Variants in CSMD3 observed in about 807,000 individuals in gnomAD.
CSMD3 encodes CUB and Sushi multiple domains 3, also known as CUB and sushi domain-containing protein 3.
In CSMD3, 177 loss-of-function variants were observed where a neutral mutation model predicts 435.2. The observed-to-expected ratio is 0.41, with a 90% CI of 0.36 to 0.46. CSMD3 has a LOEUF of 0.46. Ranked by LOEUF, CSMD3 falls within the 20% of genes least tolerant of loss-of-function variation. The probability of loss-of-function intolerance (pLI) is 0.34; values close to 1 mark genes in which losing one functional copy is unlikely to be tolerated. For missense variants in CSMD3, 4,265 were observed against 4,504.6 expected (o/e 0.95, Z 1.52); for synonymous variants, 1,656 against 1,520.5 (o/e 1.09, Z -2.07).
At chr8:112,488,575 A>G (rs759260978) in intron 31 of CSMD3, among the ~76,000 whole-genome samples, 2 of 152,204 alleles carry the variant, frequency 1.3e-5, no homozygotes, top group Non-Finnish European at 2.9e-5. Flanking sequence ...AGTCAGTCAC[A>G]GTTTCATCAG....
intron 1 of CSMD3, among the ~76,000 whole-genome samples, chr8:113,383,454 A>G (rs928598346): frequency 1.3e-5 from 2 of 152,180 alleles, no homozygotes; most frequent in African/African-American, 2.4e-5. Context: ...GGAGAGATGC[A>G]CATTTGAAAA....
chr8:113,286,972 G>A (rs1019761682), intron 2 of CSMD3, among the ~76,000 whole-genome samples: 1 of 151,728 alleles, frequency 6.6e-6, no homozygotes, highest in Non-Finnish European at 1.5e-5. Context: ...AGGAGAGAGA[G>A]AGAGAGATTT....
chr8:112,519,235 C>T (rs747820690), intron 27 of CSMD3, among the ~76,000 whole-genome samples: 1 of 152,106 alleles, frequency 6.6e-6, no homozygotes, highest in African/African-American at 2.4e-5. Flanking sequence ...CCATTCATGC[C>T]TCCTTTTCCT....
rs141073794 is a variant in CSMD3 at position 113,278,008 on chromosome 8, G to A, written c.514+584C>T. On this transcript the variant is annotated intron_variant, in intron 3 of 70. Transcript: ENST00000297405. ...ATCCACACTAAGCGTGATAAATAAA[G>A]ATCATAAATGTCCTCTATTCATTTG... Among the ~76,000 whole-genome samples the A allele has an allele frequency of 1.0e-3, 158 of 152,012 alleles. 2 individuals carry two copies. The highest frequency in any genetic ancestry group is 3.6e-3 in the African/African-American group (148 of 41,520).
In CSMD3 at chr8:112,265,493, G is replaced by A. The variant is rs767456683; in HGVS notation, c.9606C>T (p.Gly3202=). The change falls in exon 60 of 71, where the codon GGC becomes GGT. Residue 3202 remains glycine, a synonymous_variant. Transcript: ENST00000297405. Reference sequence around the variant, plus strand: ...TGGAGCCATTCAATTCCATCGTGTAGCCTGGCTGGCACATGTAAGAAACAT... The same window carrying A: ...TGGAGCCATTCAATTCCATCGTGTAACCTGGCTGGCACATGTAAGAAACAT... The part of the protein sequence containing the change: ...GQNVSYMCQP[G]YTMELNGSRI... 6.2e-7 allele frequency: 1 copy of A among 1,613,458 alleles called. No individual in the cohort carries two copies. Among genetic ancestry groups the A allele is most frequent in the South Asian group, 1.1e-5 (1 of 91,060 alleles).
At chr8:112,602,566 CA>C (rs199693088) in intron 22 of CSMD3, among the ~76,000 whole-genome samples, 28,867 of 124,986 alleles carry the variant, frequency 0.23, 3,041 homozygotes, top group South Asian at 0.34. Context: ...AACTCTGTCT[CA>C]AAAAAAAAAA....
chr8:112,933,309 G>A (rs1399741639), intron 9 of CSMD3, among the ~76,000 whole-genome samples: 1 of 152,056 alleles, frequency 6.6e-6, no homozygotes, highest in East Asian at 1.9e-4. Flanking sequence ...GTTCTATAAT[G>A]GTATGAAATA....
intron 13 of CSMD3, among the ~76,000 whole-genome samples, chr8:112,733,940 A>G (rs542274006): frequency 2.0e-5 from 3 of 152,120 alleles, no homozygotes; most frequent in East Asian, 3.9e-4. Flanking sequence ...TATGGACATG[A>G]GAAAATGTAT....
intron 9 of CSMD3, among the ~76,000 whole-genome samples, chr8:112,935,330 A>G (rs2130733141): frequency 6.6e-6 from 1 of 152,238 alleles, no homozygotes; most frequent in South Asian, 2.1e-4. Context: ...AGACTGTATG[A>G]TAGTTCCAGA....
chr8:112,822,285 T>C (rs576640815), intron 12 of CSMD3, among the ~76,000 whole-genome samples: 32 of 152,350 alleles, frequency 2.1e-4, no homozygotes, highest in Non-Finnish European at 3.2e-4. Context: ...TCCATGAGCA[T>C]GGAATCTTTT....
chr8:113,017,559 C>T (rs1025294130), intron 6 of CSMD3, among the ~76,000 whole-genome samples: 1 of 151,780 alleles, frequency 6.6e-6, no homozygotes, highest in Admixed American at 6.6e-5. Flanking sequence ...TAGAAAAGAT[C>T]ACAGGAATCG....
intron 28 of CSMD3, among the ~76,000 whole-genome samples, chr8:112,514,118 C>T (rs1438671365): frequency 1.3e-5 from 2 of 152,030 alleles, no homozygotes; most frequent in Non-Finnish European, 2.9e-5. Flanking sequence ...ATCTCAAACT[C>T]CTGGGCTCAA....
intron 6 of CSMD3, among the ~76,000 whole-genome samples, chr8:112,988,521 A>G (rs964852307): frequency 1.3e-5 from 2 of 152,104 alleles, no homozygotes; most frequent in African/African-American, 4.8e-5. Flanking sequence ...TTTGCAAAGT[A>G]TCTGCTGCTC....
At chr8:112,657,010 C>T (rs190755182) in intron 17 of CSMD3, among the ~76,000 whole-genome samples, 227 of 151,836 alleles carry the variant, frequency 1.5e-3, no homozygotes, top group Non-Finnish European at 2.8e-3. Flanking sequence ...ATTATTAAAC[C>T]CACTTTCCAA....
At chr8:113,158,182 C>CAAA (rs59666468) in intron 4 of CSMD3, among the ~76,000 whole-genome samples, 1 of 122,690 alleles carries the variant, frequency 8.2e-6, no homozygotes, top group Non-Finnish European at 1.7e-5. Context: ...AGTTCCAGAC[C>CAAA]AAAAAAAAAA....
In CSMD3 at chr8:112,351,894, C is replaced by T. The variant is rs528839694; in HGVS notation, c.6255+522G>A. ...GTTACTATAAACCTGGGACCCTCGA[C>T]AAAAAAAATCAAAAAAGATCAATAT... On this transcript the variant is annotated intron_variant, in intron 39 of 70. Transcript: ENST00000297405. Among the ~76,000 whole-genome samples, 7 of 150,856 alleles carry T rather than the reference C, an allele frequency of 4.6e-5. No individual in the cohort carries two copies. The East Asian group carries it at 5.8e-4, about 13-fold the overall frequency.
At chr8:112,731,341 A>G (rs970901261) in intron 13 of CSMD3, among the ~76,000 whole-genome samples, 1 of 152,164 alleles carries the variant, frequency 6.6e-6, no homozygotes, top group Non-Finnish European at 1.5e-5. Context: ...ATCAAATAGC[A>G]TAGAGAATCT....
At chr8:112,308,311 A>G (rs1459753865) in intron 50 of CSMD3, among the ~76,000 whole-genome samples, 1 of 152,082 alleles carries the variant, frequency 6.6e-6, no homozygotes, top group African/African-American at 2.4e-5. Context: ...AAAATTAACT[A>G]TTCATTGTTG....
chr8:112,416,221 T>TG (rs1348076325), intron 32 of CSMD3, among the ~76,000 whole-genome samples: 22 of 152,164 alleles, frequency 1.4e-4, no homozygotes, highest in Admixed American at 1.4e-3. Context: ...CCATAGCTGT[T>TG]GTCATGATAG....
Sources: gnomAD v4.1 joint callset for allele counts (sites outside exome capture counted in the v4.1 genomes callset) on GRCh38, gnomAD v4.1.1 for gene constraint, MANE v1.5 for transcripts, NCBI Gene and HGNC (gene_info 2026-07-23, HGNC 2026-07-21) for gene names.